ZHX2: variants seen among roughly 807,000 people sequenced by gnomAD.
ZHX2 encodes zinc fingers and homeoboxes 2, also known as zinc fingers and homeoboxes protein 2.
ZHX2 carries 6 observed loss-of-function variants against 21.9 expected under a neutral mutation model. The ratio of observed to expected loss-of-function variants is 0.27; its 90% CI spans 0.15 to 0.54. The LOEUF is 0.54. Among genes scored for constraint, ZHX2 ranks in the 20% least tolerant of loss-of-function variants. ZHX2 has a pLI of 0.95. For missense variants in ZHX2, 908 were observed against 1,090.7 expected (o/e 0.83, Z 2.36); for synonymous variants, 434 against 437.1 (o/e 0.99, Z 0.09).
At chr8:122,969,295 G>A in intron 3 of ZHX2, among the ~76,000 whole-genome samples, 1 of 152,140 alleles carries the variant, frequency 6.6e-6, no homozygotes, top group South Asian at 2.1e-4. Context: ...TTATACAGAT[G>A]AGTAACTTCT....
chr8:122,851,132 G>A (rs1196040387), intron 1 of ZHX2, among the ~76,000 whole-genome samples: 3 of 152,198 alleles, frequency 2.0e-5, no homozygotes, highest in East Asian at 1.9e-4. Context: ...TGGGGGGTGC[G>A]AGACGGGGGT....
chr8:122,834,373 T>C (rs1818450757), intron 1 of ZHX2, among the ~76,000 whole-genome samples: 1 of 152,168 alleles, frequency 6.6e-6, no homozygotes, highest in Non-Finnish European at 1.5e-5. Flanking sequence ...AGTGGGGTCC[T>C]CCGCAGAGGG....
chr8:122,967,565 G>T (rs1813613903), intron 3 of ZHX2, among the ~76,000 whole-genome samples: 1 of 152,242 alleles, frequency 6.6e-6, no homozygotes, highest in South Asian at 2.1e-4. Flanking sequence ...TGGGAGTGAA[G>T]TGGACTCTGG....
intron 1 of ZHX2, among the ~76,000 whole-genome samples, chr8:122,823,098 G>A (rs1319967901): frequency 6.6e-6 from 1 of 152,216 alleles, no homozygotes; most frequent in Non-Finnish European, 1.5e-5. Flanking sequence ...TACAGCGTGT[G>A]TCCTGGTCTG....
chr8:122,908,050 C>G (rs1014977886), intron 2 of ZHX2, among the ~76,000 whole-genome samples: 1 of 152,186 alleles, frequency 6.6e-6, no homozygotes, highest in Non-Finnish European at 1.5e-5. Flanking sequence ...CCCTGTGCCT[C>G]TAAGTCAGTT....
At chr8:122,848,980 G>A (rs938791740) in intron 1 of ZHX2, among the ~76,000 whole-genome samples, 1 of 152,236 alleles carries the variant, frequency 6.6e-6, no homozygotes, top group Admixed American at 6.5e-5. Flanking sequence ...CTACCCACTA[G>A]GGTCTCTTCG....
At chr8:122,791,183 G>A (rs893920452) in intron 1 of ZHX2, among the ~76,000 whole-genome samples, 2 of 152,174 alleles carry the variant, frequency 1.3e-5, no homozygotes, top group Non-Finnish European at 2.9e-5. Context: ...CTCTGCCTAC[G>A]GTCTTCCTCA....
rs1037907301 is a variant in ZHX2 at position 122,916,544 on chromosome 8, C to T, written c.-219-34748C>T. Among the ~76,000 whole-genome samples, 4 of 152,204 alleles carry T rather than the reference C, an allele frequency of 2.6e-5. No individual in the cohort carries two copies. In the East Asian group the frequency reaches 7.7e-4, roughly 29 times the overall value. On this transcript the variant is annotated intron_variant, in intron 2 of 3. Coordinates refer to ENST00000314393, the MANE Select transcript of ZHX2 (RefSeq NM_014943.5). ...CTTTTTTGAGGCTCGAGACTGAGAA[C>T]GTAACACATCTCTTGCACTTTTGCT...
At chr8:122,797,433 G>A (rs772258649) in intron 1 of ZHX2, among the ~76,000 whole-genome samples, 2 of 152,152 alleles carry the variant, frequency 1.3e-5, no homozygotes, top group Non-Finnish European at 2.9e-5. Flanking sequence ...CATGACCGTC[G>A]GGCCAGTAGT....
chr8:122,896,778 G>C (rs1487919316), intron 2 of ZHX2, among the ~76,000 whole-genome samples: 4 of 152,194 alleles, frequency 2.6e-5, no homozygotes, highest in Non-Finnish European at 5.9e-5. Context: ...CACAGTACTA[G>C]GTATGAAGGG....
chr8:122,953,189 A>C lies in ZHX2; in HGVS notation c.1679A>C (p.Asp560Ala). 1 of 1,613,872 alleles carries C rather than the reference A, an allele frequency of 6.2e-7. No homozygotes were observed. Among genetic ancestry groups the C allele is most frequent in the East Asian group, 2.2e-5 (1 of 44,842 alleles). Residue 560 changes from aspartate (D) to alanine (A), a missense_variant, in exon 3 of 4, where the codon GAT (aspartate) becomes GCT (alanine). This residue lies in a region of ZHX2 where 431 missense variants were observed against 428.6 expected (regional missense o/e 1.01). Coordinates refer to ENST00000314393, the MANE Select transcript of ZHX2 (RefSeq NM_014943.5). The surrounding 1 kb of genome is among the most constrained non-coding windows in gnomAD (Gnocchi z 4.6). ...TCTTTTCCTACCCAAGCAGAACTGG[A>C]TCGGCTAAGGGTGGAGACCAAGCTG... ...KSSFPTQAEL[D>A]RLRVETKLSR...
At chr8:122,960,415 G>T (rs1466323696) in intron 3 of ZHX2, among the ~76,000 whole-genome samples, 1 of 152,118 alleles carries the variant, frequency 6.6e-6, no homozygotes, top group Non-Finnish European at 1.5e-5. Flanking sequence ...GTGCATGCCT[G>T]TAGTCCCTGC....
rs1409857797 is a variant in ZHX2, at chr8:122,869,529, G to A, written c.-220+5990G>A. On this transcript the variant is annotated intron_variant, in intron 2 of 3. Coordinates refer to ENST00000314393, the MANE Select transcript of ZHX2 (RefSeq NM_014943.5). ...GGAGCTGGGGGACACCGTGGGGCTG[G>A]AGAGAAGGCCTTGAGATGAGAGTGC... 2.0e-5 allele frequency among the ~76,000 whole-genome samples: 3 copies of A among 152,228 alleles called. No homozygotes were observed. In the East Asian group the frequency reaches 5.8e-4, roughly 30 times the overall value.
chr8:122,872,321 A>G (rs969642402), intron 2 of ZHX2, among the ~76,000 whole-genome samples: 2 of 152,082 alleles, frequency 1.3e-5, no homozygotes, highest in African/African-American at 4.8e-5. Context: ...CCCATGTGCC[A>G]CTCGTATGAA....
chr8:122,899,064 C>T (rs1035776897), intron 2 of ZHX2, among the ~76,000 whole-genome samples: 6 of 152,226 alleles, frequency 3.9e-5, no homozygotes, highest in African/African-American at 1.2e-4. Context: ...AGCCATGGAA[C>T]ACCTATGCAG....
At chr8:122,926,902 A>T (rs762438627) in intron 2 of ZHX2, among the ~76,000 whole-genome samples, 1 of 152,058 alleles carries the variant, frequency 6.6e-6, no homozygotes, top group Non-Finnish European at 1.5e-5. Flanking sequence ...GACACTGAGG[A>T]TGGCGTTTAG....
intron 2 of ZHX2, among the ~76,000 whole-genome samples, chr8:122,878,535 C>G (rs62521574): frequency 3.3e-4 from 51 of 152,274 alleles, no homozygotes; most frequent in Non-Finnish European, 6.0e-4. Context: ...CTCACCCAGG[C>G]ATGATTTCAT....
Position 122,864,983 on chromosome 8 carries a change from G to A in ZHX2, c.-220+1444G>A, listed in dbSNP as rs373567818. Among the ~76,000 whole-genome samples the A allele has an allele frequency of 1.5e-3, 225 of 152,272 alleles. 1 individual carries two copies. The highest frequency in any genetic ancestry group is 4.8e-3 in the African/African-American group (199 of 41,542). On this transcript the variant is annotated intron_variant, in intron 2 of 3. Transcript: ENST00000314393. ...CAGGGCTCTGTGGGAGGCCAGAGAC[G>A]GTGTTTTTCTTTAAGAAACTGACAG... is the stretch of plus-strand genomic sequence containing the variant.
chr8:122,908,721 C>T (rs879932695), intron 2 of ZHX2, among the ~76,000 whole-genome samples: 2 of 152,130 alleles, frequency 1.3e-5, no homozygotes, highest in Admixed American at 6.5e-5. Context: ...AATTTTTCAG[C>T]GTACTGAAAA....
Sources: gnomAD v4.1 joint callset for allele counts (sites outside exome capture counted in the v4.1 genomes callset) on GRCh38, gnomAD v4.1.1 for gene constraint, gnomAD v4.1.1 regional missense constraint, Gnocchi (gnomAD v3.1) non-coding constraint, MANE v1.5 for transcripts, NCBI Gene and HGNC (gene_info 2026-07-23, HGNC 2026-07-21) for gene names.